Variants in ST6GALNAC5 observed in about 807,000 individuals in gnomAD.
ST6GALNAC5 encodes the protein alpha-N-acetylgalactosaminide alpha-2,6-sialyltransferase 5.
Under a neutral mutation model 33.6 loss-of-function variants are expected in ST6GALNAC5, and 27 were observed. That is an observed-to-expected ratio of 0.80 (90% CI 0.59 to 1.11). The LOEUF (loss-of-function observed/expected upper bound fraction) is 1.11, where lower values mean the gene tolerates loss of function less well. Ranked by LOEUF, ST6GALNAC5 falls within the 50% of genes least tolerant of loss-of-function variation. ST6GALNAC5 has a pLI of 0.00. For missense variants in ST6GALNAC5, 428 were observed against 454.0 expected (o/e 0.94, Z 0.52); for synonymous variants, 194 against 171.2 (o/e 1.13, Z -1.04).
At chr1:77,049,787 T>C (rs1652159723) in intron 3 of ST6GALNAC5, among the ~76,000 whole-genome samples, 1 of 152,188 alleles carries the variant, frequency 6.6e-6, no homozygotes, top group Non-Finnish European at 1.5e-5. Flanking sequence ...CTAAGTTCAG[T>C]CAATCAACCA....
chr1:77,063,636 A>G lies in ST6GALNAC5; in HGVS notation c.*430A>G, dbSNP rs139196475. On this transcript the variant is annotated 3_prime_UTR_variant, in exon 5 of 5. Coordinates refer to ENST00000477717, the MANE Select transcript of ST6GALNAC5 (RefSeq NM_030965.3). ...ACCTTTGTCATCTGTTAGACTCTGT[A>G]TGTGTGATTTGTAAAAAGCAGGCTG... 6.1e-6 allele frequency: 1 copy of G among 164,838 alleles called. No homozygotes were observed. The highest frequency in any genetic ancestry group is 1.3e-5 in the Non-Finnish European group (1 of 74,988). The allele number at this position is 164,838 out of a possible 1,614,324, so 10.2% of individuals were successfully genotyped here. A position where few individuals can be genotyped will look rare whatever the true frequency, so the allele number is the denominator to read the frequency against.
intron 2 of ST6GALNAC5, among the ~76,000 whole-genome samples, chr1:76,997,838 G>A (rs888286590): frequency 6.6e-6 from 1 of 152,090 alleles, no homozygotes; most frequent in South Asian, 2.1e-4. Context: ...ATCTGATATG[G>A]TTTGGCTCTG....
At chr1:76,974,611 A>C (rs1050613916) in intron 2 of ST6GALNAC5, among the ~76,000 whole-genome samples, 1 of 151,696 alleles carries the variant, frequency 6.6e-6, no homozygotes. Context: ...TGTTGCTGTC[A>C]TAAGTGTGGG....
At chr1:77,020,267 A>G (rs757334251) in intron 2 of ST6GALNAC5, among the ~76,000 whole-genome samples, 3 of 152,202 alleles carry the variant, frequency 2.0e-5, no homozygotes, top group East Asian at 1.9e-4. Flanking sequence ...TCTAAGACAC[A>G]TTTGAGACTG....
chr1:76,953,065 A>C (rs2100340021), intron 2 of ST6GALNAC5, among the ~76,000 whole-genome samples: 1 of 152,246 alleles, frequency 6.6e-6, no homozygotes, highest in East Asian at 1.9e-4. Context: ...ATAAACCAGA[A>C]TTTGTTTAAC....
intron 2 of ST6GALNAC5, among the ~76,000 whole-genome samples, chr1:76,980,231 T>C (rs1406729572): frequency 6.6e-6 from 1 of 152,154 alleles, no homozygotes; most frequent in African/African-American, 2.4e-5. Flanking sequence ...TATGATTTCT[T>C]TCTCTAGATA....
intron 2 of ST6GALNAC5, among the ~76,000 whole-genome samples, chr1:76,934,383 T>C (rs923916919): frequency 3.9e-5 from 6 of 152,072 alleles, no homozygotes; most frequent in African/African-American, 1.4e-4. Flanking sequence ...GGACAAGTTA[T>C]CTGTCTAACT....
chr1:76,921,689 C>A lies in ST6GALNAC5; in HGVS notation c.261+52947C>A, dbSNP rs535612432. ...TGAAATTGAATTTGCAACTGAAAAA[C>A]TCCAGAGGTATGCAATACTAATTCA... On this transcript the variant is annotated intron_variant, in intron 2 of 4. Transcript: ENST00000477717. Among the ~76,000 whole-genome samples the A allele has an allele frequency of 2.0e-5, 3 of 152,138 alleles. No homozygotes were observed. In the South Asian group the frequency reaches 6.2e-4, roughly 31 times the overall value.
chr1:76,923,388 A>G (rs1226091955), intron 2 of ST6GALNAC5, among the ~76,000 whole-genome samples: 1 of 152,030 alleles, frequency 6.6e-6, no homozygotes, highest in African/African-American at 2.4e-5. Context: ...TGTCAACTGG[A>G]GATGAGTAAA....
chr1:76,913,879 A>G (rs1195867053), intron 2 of ST6GALNAC5, among the ~76,000 whole-genome samples: 1 of 152,166 alleles, frequency 6.6e-6, no homozygotes, highest in Non-Finnish European at 1.5e-5. Context: ...AGGGTATTCA[A>G]TTAGGAAAAG....
intron 2 of ST6GALNAC5, among the ~76,000 whole-genome samples, chr1:76,990,276 G>A (rs1293721203): frequency 1.3e-5 from 2 of 152,112 alleles, no homozygotes; most frequent in South Asian, 2.1e-4. Context: ...TTTATACAGT[G>A]GCCAAAAATA....
intron 2 of ST6GALNAC5, among the ~76,000 whole-genome samples, chr1:77,043,517 C>T (rs1466431413): frequency 6.6e-6 from 1 of 152,188 alleles, no homozygotes; most frequent in Non-Finnish European, 1.5e-5. Flanking sequence ...GAAAATGGGA[C>T]AACTCAGTTT....
intron 2 of ST6GALNAC5, among the ~76,000 whole-genome samples, chr1:76,942,021 A>G (rs1223210887): frequency 6.6e-6 from 1 of 152,110 alleles, no homozygotes; most frequent in Non-Finnish European, 1.5e-5. Flanking sequence ...TGGCAGAAGG[A>G]GTGAGTGAGA....
chr1:76,868,739 CA>C lies in ST6GALNAC5; in HGVS notation c.260del (p.Lys87SerfsTer3). 4.0e-6 allele frequency: 6 copies of C among 1,502,506 alleles called. No homozygotes were observed. Among genetic ancestry groups the C allele is most frequent in the Non-Finnish European group, 5.3e-6 (6 of 1,128,788 alleles). 93.1% of individuals were successfully genotyped at this position (1,502,506 alleles called of 1,614,324 possible). A position where few individuals can be genotyped will look rare whatever the true frequency, so the allele number is the denominator to read the frequency against. ...ACGGATACCTCGGAGTGGCGGACCA[CA>C]AGGTGACAGCATGCCCGCCAGCCCG... ...LDGYLGVADHKPLKMHCRDCA... is the reference protein window; with the variant it reads ...LDGYLGVADHXPLKMHCRDCA... On this transcript the variant is annotated frameshift_variant and splice_region_variant, in exon 2 of 5. Transcript: ENST00000477717. LOFTEE classifies it high-confidence loss of function. The surrounding 1 kb of genome is among the most constrained non-coding windows in gnomAD (Gnocchi z 4.3).
chr1:76,935,213 G>A (rs528722773), intron 2 of ST6GALNAC5, among the ~76,000 whole-genome samples: 10 of 152,078 alleles, frequency 6.6e-5, no homozygotes, highest in South Asian at 2.1e-4. Flanking sequence ...TTGGAAATAC[G>A]TGGGAAATAA....
chr1:76,969,071 A>C (rs1648623993), intron 2 of ST6GALNAC5, among the ~76,000 whole-genome samples: 1 of 151,968 alleles, frequency 6.6e-6, no homozygotes, highest in Non-Finnish European at 1.5e-5. Context: ...GCCAAATAGG[A>C]ACAGCTCCAG....
intron 2 of ST6GALNAC5, among the ~76,000 whole-genome samples, chr1:77,019,624 C>A (rs1432493390): frequency 1.3e-5 from 2 of 152,180 alleles, no homozygotes; most frequent in African/African-American, 4.8e-5. Flanking sequence ...TTATAATTAG[C>A]CCAGCTTTGT....
At chr1:76,912,383 G>GA (rs947474303) in intron 2 of ST6GALNAC5, among the ~76,000 whole-genome samples, 16 of 152,164 alleles carry the variant, frequency 1.1e-4, no homozygotes, top group Non-Finnish European at 2.1e-4. Context: ...GTGTGGTGCT[G>GA]AAAAAAATGT....
rs753898241 is a variant in ST6GALNAC5, at chr1:76,868,815, C to A, written c.261+73C>A. 1.8e-5 allele frequency: 26 copies of A among 1,430,700 alleles called. No homozygotes were observed. Among genetic ancestry groups the A allele is most frequent in the Non-Finnish European group, 2.1e-5 (23 of 1,098,404 alleles). 88.6% of individuals were successfully genotyped at this position (1,430,700 alleles called of 1,614,324 possible). Reference sequence around the variant, plus strand: ...GCACACCTGAGCCTTCCCCCTTTCCCGGGGCTGGGAGGCGCTGTGAGTAGG... The same window carrying A: ...GCACACCTGAGCCTTCCCCCTTTCCAGGGGCTGGGAGGCGCTGTGAGTAGG... On this transcript the variant is annotated intron_variant, in intron 2 of 4. Transcript: ENST00000477717. This position sits in a 1 kb window ranked among gnomAD's most constrained non-coding sequence, Gnocchi z 4.3.
Sources: gnomAD v4.1 joint callset for allele counts (sites outside exome capture counted in the v4.1 genomes callset) on GRCh38, gnomAD v4.1.1 for gene constraint, Gnocchi (gnomAD v3.1) non-coding constraint, MANE v1.5 for transcripts, NCBI Gene and HGNC (gene_info 2026-07-23, HGNC 2026-07-21) for gene names.